The following ADGRG5 variants were observed in gnomAD, a reference collection of about 807,000 sequenced individuals.
The protein encoded by ADGRG5 is G protein-coupled receptor 114.
Under a neutral mutation model 53.2 loss-of-function variants are expected in ADGRG5, and 37 were observed. The observed-to-expected ratio is 0.70, with a 90% CI of 0.53 to 0.91. ADGRG5 has a LOEUF of 0.91. Ranked by LOEUF, ADGRG5 falls within the 40% of genes least tolerant of loss-of-function variation. The pLI, the probability that ADGRG5 is intolerant of heterozygous loss-of-function variation, is 0.00. For synonymous variants in ADGRG5, 277 were observed against 290.4 expected (o/e 0.95, Z 0.47); for missense variants, 614 against 675.8 (o/e 0.91, Z 1.01).
At chr16:57,538,160 T>A (rs2032434299), upstream of ADGRG5, among the ~76,000 whole-genome samples, 2 of 152,156 alleles carry the variant, frequency 1.3e-5, no homozygotes, top group Non-Finnish European at 2.9e-5. Flanking sequence ...AGGATGTCTT[T>A]TGCAGGGGCT....
At chr16:57,539,812 G>T (rs1244218380), upstream of ADGRG5, among the ~76,000 whole-genome samples, 2 of 131,066 alleles carry the variant, frequency 1.5e-5, no homozygotes, top group Non-Finnish European at 3.3e-5. Flanking sequence ...ATGTATGTGT[G>T]TGTGCGTGTA....
At chr16:57,562,026 C>T (rs1302785641) in intron 1 of ADGRG5, 30 bp from the exon 2 acceptor site, 1 of 1,333,352 alleles carries the variant, frequency 7.5e-7, no homozygotes, top group African/African-American at 1.5e-5. Flanking sequence ...GCTCTTTTAT[C>T]ATCATGGTGA....
chr16:57,566,555 G>T (rs573676935), intron 6 of ADGRG5, 44 bp from the exon 7 acceptor site: 2 of 1,396,858 alleles, frequency 1.4e-6, no homozygotes, highest in South Asian at 3.5e-5. Context: ...CTGATCTGCA[G>T]CCTTTCCTCT....
chr16:57,533,896 A>C, the ADGRG5 span, among the ~76,000 whole-genome samples: 8 of 152,124 alleles, frequency 5.3e-5, no homozygotes, highest in Non-Finnish European at 1.2e-4. Flanking sequence ...TGGGGTGTCT[A>C]TGTGCGTGGG....
intron 10 of ADGRG5, among the ~76,000 whole-genome samples, chr16:57,570,788 G>A (rs2033331611): frequency 6.6e-6 from 1 of 152,184 alleles, no homozygotes; most frequent in South Asian, 2.1e-4. Flanking sequence ...ACCTGCCAGG[G>A]CAGCCGGGCC....
intron 1 of ADGRG5, among the ~76,000 whole-genome samples, chr16:57,560,866 C>G (rs1180616663): frequency 1.3e-5 from 2 of 152,124 alleles, no homozygotes; most frequent in East Asian, 3.8e-4. Flanking sequence ...CTCACTGCAG[C>G]CTCCATCTCC....
rs764780036 is a variant in ADGRG5 at position 57,563,220 on chromosome 16, C to G, written c.270C>G (p.Thr90=). The change falls in exon 4 of 12, where the codon ACC becomes ACG. Residue 90 remains threonine, a synonymous_variant. Coordinates refer to ENST00000349457, the MANE Select transcript of ADGRG5 (RefSeq NM_001304376.3). ...LSCDFSGLSL[T]SATLKRVPQA... Reference sequence around the variant, plus strand: ...GTGACTTCTCTGGCCTCTCGCTGACCAGTGCCACTCTGAAGCGGGTGCCCC... The same window carrying G: ...GTGACTTCTCTGGCCTCTCGCTGACGAGTGCCACTCTGAAGCGGGTGCCCC... 3.1e-6 allele frequency: 5 copies of G among 1,614,000 alleles called. No homozygotes were observed. The African/African-American group carries it at 6.7e-5, about 22-fold the overall frequency.
At position 57,570,421 on chromosome 16, in the gene ADGRG5, C is replaced by A. The variant is rs1478307813; in HGVS notation, c.1094C>A (p.Ala365Asp). ...VFKLGVLGWGAPALLVLLSLS... is the reference protein window; with the variant it reads ...VFKLGVLGWGDPALLVLLSLS... ...GAGCCTTTGTCCCACCCCTCAGGGG[C>A]CCCAGCCCTCCTGGTGCTGCTTTCC... The change falls in exon 10 of 12, where the codon GCC becomes GAC. Residue 365 changes from alanine to aspartate, a missense_variant. Ala to Asp is a moderately radical substitution (Grantham distance 126). Coordinates refer to ENST00000349457, the MANE Select transcript of ADGRG5 (RefSeq NM_001304376.3). 4 of 1,610,512 alleles carry A rather than the reference C, an allele frequency of 2.5e-6. No homozygotes were observed. In the South Asian group the frequency reaches 4.4e-5, roughly 18 times the overall value.
At chr16:57,571,307 T>C (rs1309610918) in intron 10 of ADGRG5, among the ~76,000 whole-genome samples, 1 of 152,136 alleles carries the variant, frequency 6.6e-6, no homozygotes, top group Non-Finnish European at 1.5e-5. Context: ...CAGCCCTATT[T>C]TACAGTTAGG....
rs369916884 is a variant in ADGRG5, at chr16:57,563,093, A to G, written c.143A>G (p.Gln48Arg). ...CTGGCCATCTCTCTGGGCTGCAGTC[A>G]ACTCCACCAGCTGGAGCAGATGCTA... The part of the protein sequence containing the change: ...RGRSSVFSSR[Q>R]LHQLEQMLLN... The change falls in exon 4 of 12, where the codon CAA (glutamine) becomes CGA (arginine). Residue 48 changes from glutamine (Q) to arginine (R), a missense_variant and splice_region_variant. Gln to Arg is a conservative substitution (Grantham distance 43, BLOSUM62 1). Coordinates refer to ENST00000349457, the MANE Select transcript of ADGRG5 (RefSeq NM_001304376.3). 59 of 1,613,952 alleles carry G rather than the reference A, an allele frequency of 3.7e-5. No individual in the cohort carries two copies. The highest frequency in any genetic ancestry group is 2.9e-5 in the Non-Finnish European group (34 of 1,180,020).
chr16:57,573,187 T>G (rs1446776930), intron 10 of ADGRG5, among the ~76,000 whole-genome samples: 1 of 151,976 alleles, frequency 6.6e-6, no homozygotes, highest in East Asian at 1.9e-4. Flanking sequence ...ATCCCAGGAC[T>G]TTGGAAGGCC....
chr16:57,574,783 C>T lies in ADGRG5; in HGVS notation c.1209-32C>T. 1.3e-6 allele frequency: 2 copies of T among 1,537,676 alleles called. No individual in the cohort carries two copies. Among genetic ancestry groups the T allele is most frequent in the South Asian group, 2.5e-5 (2 of 79,750 alleles). ...GGCCTCCCCGCGGGCCTGGGAGCCA[C>T]TGTGAGCCTGACACGTCACCCTCCC... is the stretch of plus-strand genomic sequence containing the variant. On this transcript the variant is annotated intron_variant, in intron 10 of 11. Transcript: ENST00000349457. This position sits in a 1 kb window ranked among gnomAD's most constrained non-coding sequence, Gnocchi z 4.4.
rs572953403 is a variant in ADGRG5, at chr16:57,570,800, C to T, written c.1208+265C>T. Among the ~76,000 whole-genome samples the T allele has an allele frequency of 2.6e-5, 4 of 152,320 alleles. No individual in the cohort carries two copies. In the South Asian group the frequency reaches 8.3e-4, roughly 32 times the overall value. ...CCAACCTGCCAGGGCAGCCGGGCCT[C>T]CCGCCTCCTCTGTCCTGCCCTGCCC... On this transcript the variant is annotated intron_variant, in intron 10 of 11. Transcript: ENST00000349457.
chr16:57,545,785 G>A (rs1002265983), intron 1 of ADGRG5, among the ~76,000 whole-genome samples: 4 of 151,594 alleles, frequency 2.6e-5, no homozygotes, highest in African/African-American at 9.7e-5. Flanking sequence ...AAACAATGTA[G>A]CTGTGCTTAT....
Position 57,574,374 on chromosome 16 carries a change from A to C in ADGRG5, c.1209-441A>C, listed in dbSNP as rs1384113356. 1.3e-5 allele frequency among the ~76,000 whole-genome samples: 2 copies of C among 152,152 alleles called. No homozygotes were observed. The highest frequency in any genetic ancestry group is 4.8e-5 in the African/African-American group (2 of 41,442). ...AGTGGCTCCTGGGGAGGGGCGTCCC[A>C]CTGCAGAGATGGTGATGAGGTGGTG... On this transcript the variant is annotated intron_variant, in intron 10 of 11. Coordinates refer to ENST00000349457, the MANE Select transcript of ADGRG5 (RefSeq NM_001304376.3). The surrounding 1 kb of genome is among the most constrained non-coding windows in gnomAD (Gnocchi z 4.4).
At position 57,568,115 on chromosome 16, in the gene ADGRG5, C is replaced by G. The variant is rs763653410; in HGVS notation, c.1081C>G (p.Leu361Val). ...CAGATATGTGTTCAAGCTTGGTGTG[C>G]TAGGCTGGGGTAAGCACATCATCTC... Reference protein sequence around the residue: ...IRRYVFKLGVLGWGAPALLVL... With the variant: ...IRRYVFKLGVVGWGAPALLVL... Residue 361 changes from leucine to valine, a missense_variant, in exon 9 of 12, where the codon CTA (leucine) becomes GTA (valine). Physicochemically the swap from Leu to Val is conservative, Grantham distance 32. Transcript: ENST00000349457. The G allele has an allele frequency of 1.1e-5, 17 of 1,613,820 alleles. No individual in the cohort carries two copies. In the South Asian group the frequency reaches 1.9e-4, roughly 18 times the overall value.
rs759603293 is a variant in ADGRG5 at position 57,562,387 on chromosome 16, C to T, written c.68C>T (p.Thr23Ile). The T allele has an allele frequency of 6.2e-6, 10 of 1,606,732 alleles. No homozygotes were observed. The Admixed American group carries it at 1.7e-4, about 27-fold the overall frequency. ...LLTLQNATTE[T>I]WEELLSYMEN... ...AGGGGGAGGTGTGTCCCCACAGAGA[C>T]ATGGGAAGAACTCCTGAGCTACATG... Residue 23 changes from threonine to isoleucine, a missense_variant, in exon 3 of 12, where the codon ACA (threonine) becomes ATA (isoleucine). Thr to Ile is a moderately conservative substitution (Grantham distance 89, BLOSUM62 -1). Transcript: ENST00000349457.
intron 1 of ADGRG5, among the ~76,000 whole-genome samples, chr16:57,557,099 G>A (rs1218284422): frequency 1.3e-5 from 2 of 151,722 alleles, no homozygotes; most frequent in Non-Finnish European, 2.9e-5. Flanking sequence ...TTCTAGAGAC[G>A]GGTTTTTGCC....
chr16:57,572,298 AC>A (rs1304712398), intron 10 of ADGRG5, among the ~76,000 whole-genome samples: 1 of 151,804 alleles, frequency 6.6e-6, no homozygotes, highest in African/African-American at 2.4e-5. Context: ...ACACAGTGAA[AC>A]CCCGTCTCTA....
Sources: gnomAD v4.1 joint callset for allele counts (sites outside exome capture counted in the v4.1 genomes callset) on GRCh38, gnomAD v4.1.1 for gene constraint, Gnocchi (gnomAD v3.1) non-coding constraint, MANE v1.5 for transcripts, NCBI Gene and HGNC (gene_info 2026-07-23, HGNC 2026-07-21) for gene names.